The following INPP5F variants were observed in gnomAD, a reference collection of about 807,000 sequenced individuals.
INPP5F encodes phosphatidylinositide 4-phosphatase SAC2.
INPP5F carries 97 observed loss-of-function variants against 137.2 expected under a neutral mutation model. That is an observed-to-expected ratio of 0.71 (90% CI 0.60 to 0.84). The LOEUF (loss-of-function observed/expected upper bound fraction) is 0.84, where lower values mean the gene tolerates loss of function less well. Ranked by LOEUF, INPP5F falls within the 40% of genes least tolerant of loss-of-function variation. The pLI is 0.00. For synonymous variants in INPP5F, 504 were observed against 476.9 expected (o/e 1.06, Z -0.74); for missense variants, 1,271 against 1,371.9 (o/e 0.93, Z 1.16).
chr10:119,753,664 T>A (rs1310361219), intron 2 of INPP5F, among the ~76,000 whole-genome samples: 3 of 152,196 alleles, frequency 2.0e-5, no homozygotes, highest in Non-Finnish European at 4.4e-5. Flanking sequence ...GCTACCAGTG[T>A]TCAAGGGCCT....
At chr10:119,758,291 A>ACACGG (rs1392390822) in intron 2 of INPP5F, among the ~76,000 whole-genome samples, 3 of 152,172 alleles carry the variant, frequency 2.0e-5, no homozygotes, top group African/African-American at 7.2e-5. Context: ...AAAGCATCTC[A>ACACGG]CACGGACAGG....
At chr10:119,726,802 TG>T (rs1368793406) in intron 1 of INPP5F, among the ~76,000 whole-genome samples, 3 of 152,266 alleles carry the variant, frequency 2.0e-5, no homozygotes, top group African/African-American at 7.2e-5. Flanking sequence ...AGGGCTCTGC[TG>T]GACACTCACT....
chr10:119,726,262 C>A lies in INPP5F; in HGVS notation c.-1C>A. On this transcript the variant is annotated 5_prime_UTR_variant, in exon 1 of 20. Coordinates refer to ENST00000650623, the MANE Select transcript of INPP5F (RefSeq NM_014937.4). ...CGCCTCCCTGGGCGCGCGGGGCCAG[C>A]ATGGAGCTCTTCCAAGCCAAGGACC... 6.8e-7 allele frequency: 1 copy of A among 1,474,244 alleles called. No individual in the cohort carries two copies. The highest frequency in any genetic ancestry group is 9.0e-7 in the Non-Finnish European group (1 of 1,111,676). 91.3% of individuals were successfully genotyped at this position (1,474,244 alleles called of 1,614,324 possible).
intron 2 of INPP5F, among the ~76,000 whole-genome samples, chr10:119,771,906 T>A (rs1382271591): frequency 4.4e-5 from 4 of 90,606 alleles, no homozygotes; most frequent in Non-Finnish European, 8.9e-5. Flanking sequence ...TTTTTTTTTT[T>A]TTTTTTTGAG....
At chr10:119,740,882 A>G (rs1848354646) in intron 1 of INPP5F, among the ~76,000 whole-genome samples, 2 of 152,190 alleles carry the variant, frequency 1.3e-5, no homozygotes, top group Admixed American at 6.5e-5. Flanking sequence ...CCCTTAAATT[A>G]TGGAGAGGTT....
At chr10:119,812,378 C>CTT (rs201760506) in intron 15 of INPP5F, among the ~76,000 whole-genome samples, 21,618 of 145,508 alleles carry the variant, frequency 0.15, 1,701 homozygotes, top group African/African-American at 0.2. Context: ...AACTAATATT[C>CTT]TTTTTTTTTT....
At position 119,827,347 on chromosome 10, in the gene INPP5F, A is replaced by C; in HGVS notation, c.2966A>C (p.Asn989Thr). The C allele has an allele frequency of 6.2e-7, 1 of 1,614,228 alleles. No homozygotes were observed. Among genetic ancestry groups the C allele is most frequent in the African/African-American group, 1.3e-5 (1 of 75,074 alleles). The change falls in exon 20 of 20, where the codon AAT becomes ACT. Residue 989 changes from asparagine (N) to threonine (T), a missense_variant. Physicochemically the swap from Asn to Thr is moderately conservative, Grantham distance 65. Transcript: ENST00000650623. The stretch of plus-strand genomic sequence containing the variant: ...TCTCAGCAGGCTAGTCAGGAAAGAA[A>C]TCAAATGACCAATCAAGTTTCAAAT... ...SVSQQASQERNQMTNQVSNET... is the reference protein window; with the variant it reads ...SVSQQASQERTQMTNQVSNET...
intron 12 of INPP5F, 48 bp from the exon 13 acceptor site, chr10:119,807,884 T>C (rs1236051993): frequency 1.4e-5 from 22 of 1,527,376 alleles, no homozygotes; most frequent in Non-Finnish European, 1.8e-5. Context: ...TTTTTTGCTA[T>C]GGTTTCCTGG....
At chr10:119,818,664 A>G (rs1374169504) in intron 15 of INPP5F, 1 of 152,336 alleles carries the variant, frequency 6.6e-6, no homozygotes, top group Non-Finnish European at 1.5e-5. Flanking sequence ...GGGCGTCCGG[A>G]AGCTAGACGT....
chr10:119,768,656 C>T (rs559921577), intron 2 of INPP5F: 4 of 152,368 alleles, frequency 2.6e-5, no homozygotes, highest in African/African-American at 9.6e-5. Context: ...TCTGTTTCAC[C>T]ATTTCCCAGC....
chr10:119,813,947 G>A (rs1660196951), intron 15 of INPP5F, among the ~76,000 whole-genome samples: 1 of 152,158 alleles, frequency 6.6e-6, no homozygotes, highest in Non-Finnish European at 1.5e-5. Flanking sequence ...TTAACATGAT[G>A]AAATGCTTCT....
intron 15 of INPP5F, among the ~76,000 whole-genome samples, chr10:119,817,817 A>G (rs936687172): frequency 6.6e-6 from 1 of 152,182 alleles, no homozygotes; most frequent in African/African-American, 2.4e-5. Flanking sequence ...CATATTTATC[A>G]TATTTTTGCA....
intron 2 of INPP5F, among the ~76,000 whole-genome samples, chr10:119,774,581 G>A (rs77728184): frequency 3.4e-4 from 51 of 150,944 alleles, no homozygotes; most frequent in African/African-American, 1.2e-3. Context: ...CAATCCCTCT[G>A]CCTTGGCCTC....
At chr10:119,740,773 C>A (rs1301424914) in intron 1 of INPP5F, among the ~76,000 whole-genome samples, 1 of 152,158 alleles carries the variant, frequency 6.6e-6, no homozygotes, top group Non-Finnish European at 1.5e-5. Context: ...AAACTCCTGA[C>A]CTCATCATCC....
In INPP5F at chr10:119,807,986, C is replaced by T. The variant is rs775757691; in HGVS notation, c.1495C>T (p.Arg499Cys). ...PEQPLPVKCNRIYQIMWANNG... is the reference protein window; with the variant it reads ...PEQPLPVKCNCIYQIMWANNG... ...ACAGCCATTACCTGTGAAATGTAAT[C>T]GCATCTACCAGATAATGTGGGCCAA... The change falls in exon 13 of 20, where the codon CGC becomes TGC. Residue 499 changes from arginine to cysteine, a missense_variant. Arg to Cys is a radical substitution (Grantham distance 180, BLOSUM62 -3). Coordinates refer to ENST00000650623, the MANE Select transcript of INPP5F (RefSeq NM_014937.4). 10 of 1,613,692 alleles carry T rather than the reference C, an allele frequency of 6.2e-6. No homozygotes were observed. The highest frequency in any genetic ancestry group is 1.7e-5 in the Admixed American group (1 of 59,924).
intron 12 of INPP5F, among the ~76,000 whole-genome samples, chr10:119,806,809 T>A (rs1189111997): frequency 6.6e-6 from 1 of 151,072 alleles, no homozygotes; most frequent in Non-Finnish European, 1.5e-5. Context: ...GATACTGCAT[T>A]TCTTTTTTTT....
At chr10:119,736,632 T>C (rs1833541946) in intron 1 of INPP5F, among the ~76,000 whole-genome samples, 1 of 152,224 alleles carries the variant, frequency 6.6e-6, no homozygotes, top group Non-Finnish European at 1.5e-5. Context: ...TTAGTTGTCC[T>C]CTGTTCCTTT....
intron 14 of INPP5F, among the ~76,000 whole-genome samples, chr10:119,810,848 ATAGCTGACC>A (rs1851003091): frequency 1.3e-5 from 2 of 152,232 alleles, no homozygotes; most frequent in African/African-American, 4.8e-5. Context: ...CAAATGTAAC[ATAGCTGACC>A]TGTGGTCCCT....
chr10:119,772,343 A>T (rs1849391003), intron 2 of INPP5F, among the ~76,000 whole-genome samples: 1 of 152,244 alleles, frequency 6.6e-6, no homozygotes, highest in South Asian at 2.1e-4. Flanking sequence ...ACAGCAAAAG[A>T]GTGTGGTAGG....
Sources: gnomAD v4.1 joint callset for allele counts (sites outside exome capture counted in the v4.1 genomes callset) on GRCh38, gnomAD v4.1.1 for gene constraint, MANE v1.5 for transcripts, NCBI Gene and HGNC (gene_info 2026-07-23, HGNC 2026-07-21) for gene names.